CFAP299: variants seen among roughly 807,000 people sequenced by gnomAD.
CFAP299 encodes the protein cilia- and flagella-associated protein 299.
A neutral mutation model predicts 27.0 loss-of-function variants in CFAP299; 21 were observed. That is an observed-to-expected ratio of 0.78 (90% CI 0.55 to 1.12). The LOEUF is 1.12. Among genes scored for constraint, CFAP299 ranks in the 50% most tolerant of loss-of-function variants. The probability of loss-of-function intolerance (pLI) is 0.00; values close to 1 mark genes in which losing one functional copy is unlikely to be tolerated. For missense variants in CFAP299, 310 were observed against 276.6 expected, an observed-to-expected ratio of 1.12 and a Z score of -0.86; for synonymous variants, 104 against 98.1, an observed-to-expected ratio of 1.06 and a Z score of -0.36.
intron 4 of CFAP299, among the ~76,000 whole-genome samples, chr4:80,928,448 A>G (rs1736411782): frequency 6.6e-6 from 1 of 152,120 alleles, no homozygotes; most frequent in Non-Finnish European, 1.5e-5. Flanking sequence ...AAAGTCTAGA[A>G]ATTTATCCAC....
intron 1 of CFAP299, among the ~76,000 whole-genome samples, chr4:80,336,226 G>A (rs1722133380): frequency 6.6e-6 from 1 of 152,198 alleles, no homozygotes; most frequent in African/African-American, 2.4e-5. Context: ...GGTCTGCTGA[G>A]AAGTCTCCGG....
chr4:80,720,609 A>T (rs1332768275), intron 3 of CFAP299, among the ~76,000 whole-genome samples: 2 of 152,128 alleles, frequency 1.3e-5, no homozygotes, highest in Non-Finnish European at 2.9e-5. Context: ...TTAAGGTAGG[A>T]TTAATTATAA....
At position 80,866,978 on chromosome 4, in the gene CFAP299, C is replaced by T. The variant is rs145000580; in HGVS notation, c.334-3015C>T. Among the ~76,000 whole-genome samples, 581 of 152,136 alleles carry T rather than the reference C, an allele frequency of 3.8e-3. 1 individual carries two copies. The highest frequency in any genetic ancestry group is 0.014 in the Middle Eastern group (4 of 292). On this transcript the variant is annotated intron_variant, in intron 3 of 5. Coordinates refer to ENST00000358105, the MANE Select transcript of CFAP299 (RefSeq NM_152770.3). ...GCTTATGATAAACACCAAGACTTCA[C>T]GTTTGTTTTCAAGTTCTTTAAATCG...
At chr4:80,422,388 T>A (rs1235583433) in intron 2 of CFAP299, among the ~76,000 whole-genome samples, 2 of 151,998 alleles carry the variant, frequency 1.3e-5, no homozygotes, top group South Asian at 2.1e-4. Flanking sequence ...AAAAAAAAAA[T>A]TCTTTAGTTT....
intron 3 of CFAP299, among the ~76,000 whole-genome samples, chr4:80,761,670 A>T (rs915349178): frequency 1.3e-5 from 2 of 152,064 alleles, no homozygotes; most frequent in African/African-American, 4.8e-5. Flanking sequence ...TTATTAAAAA[A>T]CTTTTATTAT....
chr4:80,438,116 G>C (rs1478614890), intron 2 of CFAP299, among the ~76,000 whole-genome samples: 1 of 152,214 alleles, frequency 6.6e-6, no homozygotes, highest in Non-Finnish European at 1.5e-5. Flanking sequence ...TATGGAATAT[G>C]TTAGATGGTG....
chr4:80,536,492 G>A (rs1168387553), intron 2 of CFAP299, among the ~76,000 whole-genome samples: 3 of 152,098 alleles, frequency 2.0e-5, no homozygotes, highest in Non-Finnish European at 4.4e-5. Context: ...CCATGAAAGT[G>A]GCATGATGCT....
intron 2 of CFAP299, among the ~76,000 whole-genome samples, chr4:80,449,816 TA>T (rs1728811935): frequency 6.6e-6 from 1 of 151,872 alleles, no homozygotes; most frequent in South Asian, 2.1e-4. Flanking sequence ...TCTCCTTAAG[TA>T]CTTTATGTTT....
At chr4:80,885,803 C>G (rs1177165936) in intron 4 of CFAP299, among the ~76,000 whole-genome samples, 1 of 152,160 alleles carries the variant, frequency 6.6e-6, no homozygotes, top group Non-Finnish European at 1.5e-5. Context: ...GTGGTGGCTA[C>G]TGTGAAAGAC....
intron 2 of CFAP299, among the ~76,000 whole-genome samples, chr4:80,550,183 A>G (rs963844824): frequency 1.3e-5 from 2 of 152,132 alleles, no homozygotes; most frequent in Non-Finnish European, 2.9e-5. Flanking sequence ...GTCCATTACT[A>G]TAGATTTTAT....
intron 2 of CFAP299, among the ~76,000 whole-genome samples, chr4:80,493,221 C>T (rs948437675): frequency 1.3e-5 from 2 of 152,146 alleles, no homozygotes; most frequent in Admixed American, 1.3e-4. Flanking sequence ...AAAGAAATAG[C>T]ACTTGAATAT....
At chr4:80,756,000 A>G (rs545370331) in intron 3 of CFAP299, among the ~76,000 whole-genome samples, 89 of 152,212 alleles carry the variant, frequency 5.8e-4, no homozygotes, top group African/African-American at 2.0e-3. Context: ...AATAGTGTAT[A>G]TACCCTGTTG....
At chr4:80,426,139 T>C (rs1727518591) in intron 2 of CFAP299, among the ~76,000 whole-genome samples, 2 of 151,990 alleles carry the variant, frequency 1.3e-5, no homozygotes, top group Admixed American at 6.6e-5. Flanking sequence ...TTTTTTTTTT[T>C]AGTTTGACTT....
At chr4:80,851,606 A>G (rs1051636972) in intron 3 of CFAP299, among the ~76,000 whole-genome samples, 2 of 152,162 alleles carry the variant, frequency 1.3e-5, no homozygotes, top group Admixed American at 1.3e-4. Context: ...GAACTGATCC[A>G]TAAAGTAGAA....
chr4:80,407,937 C>G (rs1480100205), intron 2 of CFAP299, among the ~76,000 whole-genome samples: 2 of 152,152 alleles, frequency 1.3e-5, no homozygotes, highest in Non-Finnish European at 2.9e-5. Flanking sequence ...TTTCACCTAA[C>G]ATTTAATTAC....
At chr4:80,941,195 T>G (rs571023399) in intron 4 of CFAP299, among the ~76,000 whole-genome samples, 121 of 152,340 alleles carry the variant, frequency 7.9e-4, no homozygotes, top group African/African-American at 2.7e-3. Flanking sequence ...AAGAAAAGTC[T>G]GTACATGTTC....
At chr4:80,799,959 ATATAATATT>A (rs1728304418) in intron 3 of CFAP299, among the ~76,000 whole-genome samples, 1 of 55,476 alleles carries the variant, frequency 1.8e-5, no homozygotes, top group African/African-American at 7.5e-5. Context: ...TATTATATAA[ATATAATATT>A]TATATAATAT....
intron 2 of CFAP299, among the ~76,000 whole-genome samples, chr4:80,398,505 G>A (rs1372157769): frequency 6.6e-6 from 1 of 152,110 alleles, no homozygotes; most frequent in East Asian, 1.9e-4. Flanking sequence ...TAGACCAATG[G>A]AACAGAACAG....
intron 2 of CFAP299, among the ~76,000 whole-genome samples, chr4:80,398,543 A>G: frequency 6.6e-6 from 1 of 152,208 alleles, no homozygotes. Context: ...CCACACATCT[A>G]CAACCATCTG....
Sources: gnomAD v4.1 joint callset for allele counts (sites outside exome capture counted in the v4.1 genomes callset) on GRCh38, gnomAD v4.1.1 for gene constraint, MANE v1.5 for transcripts, NCBI Gene and HGNC (gene_info 2026-07-23, HGNC 2026-07-21) for gene names.